SRRM2: variants seen among roughly 807,000 people sequenced by gnomAD.
The protein encoded by SRRM2 is serine/arginine repetitive matrix 2, also known as serine/arginine repetitive matrix protein 2.
SRRM2 carries 30 observed loss-of-function variants against 213.8 expected under a neutral mutation model. The observed-to-expected ratio is 0.14, with a 90% confidence interval of 0.10 to 0.19. The LOEUF is 0.19. Among genes scored for constraint, SRRM2 ranks in the 10% least tolerant of loss-of-function variants. SRRM2 has a pLI of 1.00. For missense variants in SRRM2, 4,904 were observed against 3,647.0 expected (o/e 1.34, Z -8.88); for synonymous variants, 2,025 against 1,377.7 (o/e 1.47, Z -10.40).
chr16:2,759,356 C>G lies in SRRM2; in HGVS notation c.694C>G (p.Pro232Ala), dbSNP rs1452842255. 6 of 1,601,622 alleles carry G rather than the reference C, an allele frequency of 3.7e-6. No homozygotes were observed. In the African/African-American group the frequency reaches 5.4e-5, roughly 14 times the overall value. Reference sequence around the variant, plus strand: ...CAACCTTTCCTTATTTCCCAGGTCTCCCACTCCAAAGAGCAAACGTAAATC... The same window carrying G: ...CAACCTTTCCTTATTTCCCAGGTCTGCCACTCCAAAGAGCAAACGTAAATC... The part of the protein sequence containing the change: ...SESKKRKHRS[P>A]TPKSKRKSKD... The change falls in exon 8 of 15, where the codon CCC becomes GCC. Residue 232 changes from proline (P) to alanine (A), a missense_variant. By Grantham distance (27) the Pro-to-Ala change is conservative (BLOSUM62 -1). Coordinates refer to ENST00000301740, the MANE Select transcript of SRRM2 (RefSeq NM_016333.4).
rs1291156415 is a variant in SRRM2, at chr16:2,764,944, G to T, written c.4416G>T (p.Thr1472=). 6.2e-7 allele frequency: 1 copy of T among 1,614,086 alleles called. No individual in the cohort carries two copies. The highest frequency in any genetic ancestry group is 1.1e-5 in the South Asian group (1 of 91,086). Residue 1472 remains threonine (T), a synonymous_variant, in exon 11 of 15, where the codon ACG becomes ACT. Transcript: ENST00000301740. ...SSPGMKDIPR[T]PSRGRSECDS... Reference sequence around the variant, plus strand: ...CTGGAATGAAAGATATACCTAGAACGCCATCTAGAGGGAGAAGCGAATGTG... The same window carrying T: ...CTGGAATGAAAGATATACCTAGAACTCCATCTAGAGGGAGAAGCGAATGTG...
In SRRM2 at chr16:2,766,703, C is replaced by T. The variant is rs1403675436; in HGVS notation, c.6175C>T (p.Pro2059Ser). 2 of 1,614,240 alleles carry T rather than the reference C, an allele frequency of 1.2e-6. No homozygotes were observed. The highest frequency in any genetic ancestry group is 1.7e-5 in the Admixed American group (1 of 60,032). Residue 2059 changes from proline to serine, a missense_variant, in exon 11 of 15, where the codon CCA (proline) becomes TCA (serine). Transcript: ENST00000301740. This position sits in a 1 kb window ranked among gnomAD's most constrained non-coding sequence, Gnocchi z 7.0. ...AIRRRSRSRT[P>S]RTARGKRSLT... ...CCGCCGCCGCTCCAGATCCCGTACT[C>T]CACGAACAGCTCGGGGTAAACGGTC...
In SRRM2 at chr16:2,765,407, C is replaced by T. The variant is rs764747006; in HGVS notation, c.4879C>T (p.Pro1627Ser). The T allele has an allele frequency of 1.2e-6, 2 of 1,614,058 alleles. No homozygotes were observed. Among genetic ancestry groups the T allele is most frequent in the Middle Eastern group, 1.6e-4 (1 of 6,084 alleles). ...GSDSSPEPKA[P>S]APRALPRRSR... The stretch of plus-strand genomic sequence containing the variant: ...TGATTCCTCTCCTGAACCTAAAGCT[C>T]CAGCCCCTCGGGCCCTTCCCAGACG... Residue 1627 changes from proline (P) to serine (S), a missense_variant, in exon 11 of 15, where the codon CCA (proline) becomes TCA (serine). Physicochemically the swap from Pro to Ser is moderately conservative, Grantham distance 74. Coordinates refer to ENST00000301740, the MANE Select transcript of SRRM2 (RefSeq NM_016333.4).
Position 2,757,734 on chromosome 16 carries a change from C to T in SRRM2, c.351-47C>T, listed in dbSNP as rs765797769. ...GCTTATACTTGTGTTCTGAATATGGCTCTGTCCTTTATATTTCCTTCAGAC... is the reference window on the plus strand; with the variant it reads ...GCTTATACTTGTGTTCTGAATATGGTTCTGTCCTTTATATTTCCTTCAGAC... On this transcript the variant is annotated intron_variant, in intron 3 of 14. Coordinates refer to ENST00000301740, the MANE Select transcript of SRRM2 (RefSeq NM_016333.4). The T allele has an allele frequency of 8.7e-6, 14 of 1,606,880 alleles. No individual in the cohort carries two copies. In the South Asian group the frequency reaches 1.3e-4, roughly 15 times the overall value.
At position 2,761,806 on chromosome 16, in the gene SRRM2, A is replaced by G. The variant is rs2150775225; in HGVS notation, c.1278A>G (p.Gln426=). The G allele has an allele frequency of 5.0e-6, 8 of 1,613,408 alleles. No homozygotes were observed. Among genetic ancestry groups the G allele is most frequent in the Non-Finnish European group, 6.8e-6 (8 of 1,179,828 alleles). Residue 426 remains glutamine, a synonymous_variant, in exon 11 of 15, where the codon CAA becomes CAG. Transcript: ENST00000301740. ...CAGAGAGCAGCCCACCATCCCCTCA[A>G]CCTACCAAAGTTTCTCGGCATGCCA... The part of the protein sequence containing the change: ...SSSESSPPSP[Q]PTKVSRHASS...
Position 2,763,850 on chromosome 16 carries a change from C to T in SRRM2, c.3322C>T (p.Leu1108=), listed in dbSNP as rs2068448892. 1 of 1,614,230 alleles carries T rather than the reference C, an allele frequency of 6.2e-7. No individual in the cohort carries two copies. The highest frequency in any genetic ancestry group is 8.5e-7 in the Non-Finnish European group (1 of 1,180,048). Residue 1108 remains leucine (L), a synonymous_variant, in exon 11 of 15, where the codon CTG becomes TTG. Transcript: ENST00000301740. ...RSRSSSPVTE[L]ASRSPIRQDR... is the part of the protein sequence containing the mutation. ...CAGGTCTTCATCTCCAGTCACTGAG[C>T]TGGCATCCAGATCTCCAATAAGACA...
rs755080591 is a variant in SRRM2 at position 2,771,293 on chromosome 16, C to T, written c.*426C>T. Reference sequence around the variant, plus strand: ...TGGAATTAGTTGGTCCCTACTGTCCCCCATGAGGTTGTGAACCCCTCCCCC... The same window carrying T: ...TGGAATTAGTTGGTCCCTACTGTCCTCCATGAGGTTGTGAACCCCTCCCCC... On this transcript the variant is annotated 3_prime_UTR_variant, in exon 15 of 15. Coordinates refer to ENST00000301740, the MANE Select transcript of SRRM2 (RefSeq NM_016333.4). 5.2e-6 allele frequency: 5 copies of T among 958,874 alleles called. No homozygotes were observed. Among genetic ancestry groups the T allele is most frequent in the East Asian group, 4.9e-5 (2 of 40,642 alleles). 59.4% of individuals were successfully genotyped at this position (958,874 alleles called of 1,614,324 possible).
chr16:2,770,082 C>CG, intron 12 of SRRM2: 2 of 1,290,684 alleles, frequency 1.5e-6, no homozygotes, highest in Non-Finnish European at 2.0e-6. Flanking sequence ...TTCCCACACA[C>CG]GGGGCCGTGC....
At chr16:2,756,263 C>A in intron 1 of SRRM2, 71 bp from the exon 2 acceptor site, 1 of 1,352,678 alleles carries the variant, frequency 7.4e-7, no homozygotes, top group Non-Finnish European at 9.8e-7. Flanking sequence ...AGAGCAGGGA[C>A]TTGGGTGTGG....
At position 2,769,971 on chromosome 16, in the gene SRRM2, C is replaced by T. The variant is rs530201316; in HGVS notation, c.8022-381C>T. 14 of 458,886 alleles carry T rather than the reference C, an allele frequency of 3.1e-5. 1 individual carries two copies. Among genetic ancestry groups the T allele is most frequent in the South Asian group, 1.7e-4 (9 of 54,472 alleles). 28.4% of individuals were successfully genotyped at this position (458,886 alleles called of 1,614,324 possible). On this transcript the variant is annotated intron_variant, in intron 12 of 14. Transcript: ENST00000301740. ...GTGAACTCCTCGTTCTGCAAGACTC[C>T]GCTCAAAACAGCACCTTCGAGAAGA...
chr16:2,771,017 T>G lies in SRRM2; in HGVS notation c.*150T>G. On this transcript the variant is annotated 3_prime_UTR_variant, in exon 15 of 15. Coordinates refer to ENST00000301740, the MANE Select transcript of SRRM2 (RefSeq NM_016333.4). Reference sequence around the variant, plus strand: ...GAGGGCTCCCTTTCCCTCCCCTTTTTTTTTTCTTTGTTCCTGTGAAATGTT... The same window carrying G: ...GAGGGCTCCCTTTCCCTCCCCTTTTGTTTTTCTTTGTTCCTGTGAAATGTT... 1 of 895,600 alleles carries G rather than the reference T, an allele frequency of 1.1e-6. No homozygotes were observed. Among genetic ancestry groups the G allele is most frequent in the Non-Finnish European group, 1.7e-6 (1 of 597,510 alleles). The allele number at this position is 895,600 out of a possible 1,614,324, so 55.5% of individuals were successfully genotyped here. A position where few individuals can be genotyped will look rare whatever the true frequency, so the allele number is the denominator to read the frequency against.
intron 12 of SRRM2, chr16:2,769,577 T>C (rs1245939780): frequency 3.1e-6 from 2 of 640,626 alleles, no homozygotes; most frequent in Non-Finnish European, 2.9e-6. Flanking sequence ...CTGTTGCTAC[T>C]GCCAGGGCTC....
At position 2,767,485 on chromosome 16, in the gene SRRM2, T is replaced by C; in HGVS notation, c.6957T>C (p.Thr2319=). 1.2e-6 allele frequency: 2 copies of C among 1,614,160 alleles called. No individual in the cohort carries two copies. The highest frequency in any genetic ancestry group is 1.7e-6 in the Non-Finnish European group (2 of 1,179,996). Residue 2319 remains threonine (T), a synonymous_variant, in exon 11 of 15, where the codon ACT becomes ACC. Transcript: ENST00000301740. ...TCACAGGCTCTGGCACACCACCAACTGCTGCAAACTATCCCTCCAGCTCCA... is the reference window on the plus strand; with the variant it reads ...TCACAGGCTCTGGCACACCACCAACCGCTGCAAACTATCCCTCCAGCTCCA... ...LSLTGSGTPP[T]AANYPSSSRT...
rs2285879 is a variant in SRRM2 at position 2,760,622 on chromosome 16, T to C, written c.1032+123T>C. 249 of 1,119,644 alleles carry C rather than the reference T, an allele frequency of 2.2e-4. No individual in the cohort carries two copies. In the African/African-American group the frequency reaches 2.5e-3, roughly 11 times the overall value. 69.4% of individuals were successfully genotyped at this position (1,119,644 alleles called of 1,614,324 possible). A position where few individuals can be genotyped will look rare whatever the true frequency, so the allele number is the denominator to read the frequency against. ...AATAAATTCAGTTTTTTTTCCTGCA[T>C]TTCTCTCCTAGTTCTCTTACTGCAT... On this transcript the variant is annotated intron_variant, in intron 10 of 14. Coordinates refer to ENST00000301740, the MANE Select transcript of SRRM2 (RefSeq NM_016333.4).
At position 2,762,068 on chromosome 16, in the gene SRRM2, C is replaced by A. The variant is rs753511984; in HGVS notation, c.1540C>A (p.Arg514Ser). 1.4e-5 allele frequency: 22 copies of A among 1,614,100 alleles called. No individual in the cohort carries two copies. The highest frequency in any genetic ancestry group is 1.8e-5 in the Non-Finnish European group (21 of 1,180,046). ...TTCTCGATCCCGATCTCCCCAGTGG[C>A]GTAGGTCCAGGTCTGCACAGAGGTG... ...GHSRSRSPQW[R>S]RSRSAQRWGR... The change falls in exon 11 of 15, where the codon CGT becomes AGT. Residue 514 changes from arginine (R) to serine (S), a missense_variant. Transcript: ENST00000301740.
At position 2,768,219 on chromosome 16, in the gene SRRM2, A is replaced by C; in HGVS notation, c.7691A>C (p.Glu2564Ala). ...TCTGGCTCCAGTTCTAGTGACTCAG[A>C]GGGCTCTAGCCTTCCTGTGCAACCT... ...SSSGSSSSDS[E>A]GSSLPVQPEV... Residue 2564 changes from glutamate to alanine, a missense_variant, in exon 11 of 15, where the codon GAG becomes GCG. Physicochemically the swap from Glu to Ala is moderately radical, Grantham distance 107. Transcript: ENST00000301740. 1 of 1,595,072 alleles carries C rather than the reference A, an allele frequency of 6.3e-7. No individual in the cohort carries two copies. Among genetic ancestry groups the C allele is most frequent in the Non-Finnish European group, 8.5e-7 (1 of 1,170,264 alleles).
rs1177821772 is a variant in SRRM2 at position 2,767,791 on chromosome 16, T to C, written c.7263T>C (p.Ser2421=). Residue 2421 remains serine, a synonymous_variant, in exon 11 of 15, where the codon TCT becomes TCC. Transcript: ENST00000301740. ...CCCCAAGCCAATCTAGGATGACCTC[T>C]GAACGGGCTCCCTCCCCTTCCTCTA... ...PSAPSQSRMT[S]ERAPSPSSRM... 6.2e-7 allele frequency: 1 copy of C among 1,614,000 alleles called. No individual in the cohort carries two copies. Among genetic ancestry groups the C allele is most frequent in the Non-Finnish European group, 8.5e-7 (1 of 1,179,986 alleles).
intron 3 of SRRM2, 85 bp downstream of exon 3, chr16:2,757,664 TCCTC>T (rs1474485541): frequency 2.5e-6 from 4 of 1,579,528 alleles, no homozygotes; most frequent in African/African-American, 1.4e-5. Flanking sequence ...ACGTGGGACT[TCCTC>T]CCTGCTTTCG....
chr16:2,763,400 A>G lies in SRRM2; in HGVS notation c.2872A>G (p.Asn958Asp). 6.2e-7 allele frequency: 1 copy of G among 1,614,236 alleles called. No individual in the cohort carries two copies. Among genetic ancestry groups the G allele is most frequent in the African/African-American group, 1.3e-5 (1 of 75,060 alleles). The stretch of plus-strand genomic sequence containing the variant: ...AAGCAGATCAGTATCTCCCTGCTCC[A>G]ATGTGGAATCCAGATTGTTGCCAAG... ...RRSRSVSPCSNVESRLLPRYS... is the reference protein window; with the variant it reads ...RRSRSVSPCSDVESRLLPRYS... The change falls in exon 11 of 15, where the codon AAT becomes GAT. Residue 958 changes from asparagine (N) to aspartate (D), a missense_variant. By Grantham distance (23) the Asn-to-Asp change is conservative. Coordinates refer to ENST00000301740, the MANE Select transcript of SRRM2 (RefSeq NM_016333.4).
Sources: allele counts gnomAD v4.1 joint callset, GRCh38; gene constraint gnomAD v4.1.1; non-coding constraint Gnocchi (gnomAD v3.1); transcripts MANE v1.5; gene names NCBI Gene and HGNC (gene_info 2026-07-23, HGNC 2026-07-21).